RUFY2: variants seen among roughly 807,000 people sequenced by gnomAD.
RUFY2 encodes RUN and FYVE domain-containing protein 2.
In RUFY2, 49 loss-of-function variants were observed where a neutral mutation model predicts 94.4. That is an observed-to-expected ratio of 0.52 (90% CI 0.41 to 0.66). RUFY2 has a LOEUF of 0.66. Among genes scored for constraint, RUFY2 ranks in the 30% least tolerant of loss-of-function variants. RUFY2 has a pLI of 0.00. For synonymous variants in RUFY2, 255 were observed against 235.7 expected (o/e 1.08, Z -0.75); for missense variants, 541 against 692.8 (o/e 0.78, Z 2.46).
chr10:68,390,534 G>A (rs1382571767), intron 7 of RUFY2, among the ~76,000 whole-genome samples: 1 of 152,054 alleles, frequency 6.6e-6, no homozygotes, highest in Non-Finnish European at 1.5e-5. Context: ...TTAAAAATGT[G>A]GCTAGTCCAA....
At position 68,394,173 on chromosome 10, in the gene RUFY2, G is replaced by A. The variant is rs1554893212; in HGVS notation, c.523-37C>T. The A allele has an allele frequency of 7.4e-6, 11 of 1,486,124 alleles. No homozygotes were observed. In the South Asian group the frequency reaches 1.4e-4, roughly 18 times the overall value. 92.1% of individuals were successfully genotyped at this position (1,486,124 alleles called of 1,614,324 possible). A position where few individuals can be genotyped will look rare whatever the true frequency, so the allele number is the denominator to read the frequency against. On this transcript the variant is annotated intron_variant, in intron 5 of 17. Transcript: ENST00000602465. ...AAAGTTTTTTTTAATTTAAAGGGGA[G>A]AAAATACTTTATCAGAAGTACCTTT...
chr10:68,357,331 C>T (rs57070275), intron 15 of RUFY2, among the ~76,000 whole-genome samples: 5 of 151,416 alleles, frequency 3.3e-5, no homozygotes, highest in African/African-American at 9.7e-5. Flanking sequence ...AAGGTTCAAG[C>T]GATTCTCCTG....
At position 68,384,056 on chromosome 10, in the gene RUFY2, G is replaced by A. The variant is rs2049295965; in HGVS notation, c.817C>T (p.Leu273=). ...KLILMKTQQH[L]EVTKVDVETE... is the part of the protein sequence containing the mutation. ...TGAAAGCAGTCTATACTTACCTCTA[G>A]GTGCTGCTGTGTTTTCATTAAAATC... The change falls in exon 9 of 18, where the codon CTA becomes TTA. Residue 273 remains leucine, a synonymous_variant. Transcript: ENST00000602465. The A allele has an allele frequency of 1.2e-6, 2 of 1,611,544 alleles. No individual in the cohort carries two copies. Among genetic ancestry groups the A allele is most frequent in the African/African-American group, 1.3e-5 (1 of 74,816 alleles).
intron 15 of RUFY2, 121 bp downstream of exon 15, chr10:68,363,469 C>CG: frequency 1.7e-6 from 1 of 603,304 alleles, no homozygotes; most frequent in Non-Finnish European, 2.7e-6. Flanking sequence ...CGTGAACCAC[C>CG]GCGCCCGGCC....
At chr10:68,374,285 AG>A (rs1299321691) in intron 13 of RUFY2, among the ~76,000 whole-genome samples, 1 of 152,094 alleles carries the variant, frequency 6.6e-6, no homozygotes, top group Non-Finnish European at 1.5e-5. Context: ...AAGAAAAAAA[AG>A]AAACTTCAAA....
chr10:68,401,485 T>C lies in RUFY2; in HGVS notation c.296+135A>G. Reference sequence around the variant, plus strand: ...TGAGTTGAGCCATAAAGAATGAACATAATTTTATTATAAGAGGATTAGAAG... The same window carrying C: ...TGAGTTGAGCCATAAAGAATGAACACAATTTTATTATAAGAGGATTAGAAG... On this transcript the variant is annotated intron_variant, in intron 3 of 17. Transcript: ENST00000602465. 4 of 623,722 alleles carry C rather than the reference T, an allele frequency of 6.4e-6. No individual in the cohort carries two copies. In the South Asian group the frequency reaches 6.9e-5, roughly 11 times the overall value. 38.6% of individuals were successfully genotyped at this position (623,722 alleles called of 1,614,324 possible).
intron 7 of RUFY2, among the ~76,000 whole-genome samples, chr10:68,386,689 T>G (rs117334617): frequency 0.03 from 4,509 of 152,278 alleles, 90 homozygotes; most frequent in Middle Eastern, 0.054. Context: ...CTTCTTAAAT[T>G]TAACTGAAAA....
chr10:68,405,927 C>T (rs1396719976), intron 1 of RUFY2, among the ~76,000 whole-genome samples: 2 of 151,252 alleles, frequency 1.3e-5, no homozygotes, highest in Non-Finnish European at 2.9e-5. Context: ...GACACAGTAT[C>T]ATCAAGTAAG....
At chr10:68,371,808 C>T (rs2048301901) in intron 13 of RUFY2, among the ~76,000 whole-genome samples, 1 of 152,190 alleles carries the variant, frequency 6.6e-6, no homozygotes, top group African/African-American at 2.4e-5. Context: ...ATGACATTAA[C>T]ACCTAAAGAG....
rs764944698 is a variant in RUFY2 at position 68,407,172 on chromosome 10, C to A, written c.4+14G>T. Reference sequence around the variant, plus strand: ...CTGAGGGCCTAGCGTTCGGTTTCGGCCCGCTCGCCTTACCCATGGCGGCGG... The same window carrying A: ...CTGAGGGCCTAGCGTTCGGTTTCGGACCGCTCGCCTTACCCATGGCGGCGG... On this transcript the variant is annotated intron_variant, in intron 1 of 17. Transcript: ENST00000602465. 6.9e-7 allele frequency: 1 copy of A among 1,454,052 alleles called. No individual in the cohort carries two copies. The highest frequency in any genetic ancestry group is 1.5e-5 in the African/African-American group (1 of 66,616). 90.1% of individuals were successfully genotyped at this position (1,454,052 alleles called of 1,614,324 possible). A position where few individuals can be genotyped will look rare whatever the true frequency, so the allele number is the denominator to read the frequency against.
chr10:68,393,908 C>T, intron 6 of RUFY2, 167 bp downstream of exon 6: 1 of 1,365,634 alleles, frequency 7.3e-7, no homozygotes, highest in Non-Finnish European at 9.5e-7. Context: ...AAGTGATTTT[C>T]CATAATCTGC....
At chr10:68,365,805 G>A (rs1352277307) in intron 13 of RUFY2, among the ~76,000 whole-genome samples, 1 of 152,048 alleles carries the variant, frequency 6.6e-6, no homozygotes, top group Non-Finnish European at 1.5e-5. Context: ...AAGAACCGTT[G>A]ATGCCATTAA....
rs1034317399 is a variant in RUFY2 at position 68,355,397 on chromosome 10, T to C, written c.1555A>G (p.Lys519Glu). ...QELGNKLSES[K>E]LKIEDIKEAN... ...TCTTTTATGTCTTCAATTTTAAGTT[T>C]TGATCTAAAAAGATTACAAATAGGT... The change falls in exon 16 of 18, where the codon AAA (lysine) becomes GAA (glutamate). Residue 519 changes from lysine (K) to glutamate (E), a missense_variant. Transcript: ENST00000602465. The C allele has an allele frequency of 6.2e-7, 1 of 1,605,950 alleles. No homozygotes were observed. The highest frequency in any genetic ancestry group is 1.7e-5 in the Admixed American group (1 of 59,858).
At chr10:68,403,588 T>C (rs1200963698) in intron 2 of RUFY2, among the ~76,000 whole-genome samples, 1 of 152,170 alleles carries the variant, frequency 6.6e-6, no homozygotes, top group Non-Finnish European at 1.5e-5. Flanking sequence ...CATGTTTTGC[T>C]CTGTGTACTT....
chr10:68,341,640 G>C, downstream of RUFY2: 1 of 1,613,692 alleles, frequency 6.2e-7, no homozygotes, highest in Non-Finnish European at 8.5e-7. Context: ...GCTCTGGCAT[G>C]GGAGGTTCTG....
intron 3 of RUFY2, among the ~76,000 whole-genome samples, chr10:68,400,584 G>T (rs955378845): frequency 6.6e-6 from 1 of 151,524 alleles, no homozygotes; most frequent in Non-Finnish European, 1.5e-5. Flanking sequence ...GCTGAGGCAG[G>T]AAAGTTGCTT....
chr10:68,363,302 G>A (rs556316863), intron 15 of RUFY2, among the ~76,000 whole-genome samples: 21 of 152,116 alleles, frequency 1.4e-4, no homozygotes, highest in African/African-American at 5.1e-4. Context: ...TCAGCCTCCC[G>A]AGTAGCTGGG....
At chr10:68,397,105 A>C (rs754612685) in intron 3 of RUFY2, among the ~76,000 whole-genome samples, 1 of 152,114 alleles carries the variant, frequency 6.6e-6, no homozygotes, top group African/African-American at 2.4e-5. Flanking sequence ...GGAAGAAATG[A>C]CTCTCTAAAC....
chr10:68,359,237 A>G (rs555006205), intron 15 of RUFY2, among the ~76,000 whole-genome samples: 63 of 151,394 alleles, frequency 4.2e-4, no homozygotes, highest in Non-Finnish European at 8.5e-4. Context: ...AATTAGCCAG[A>G]TGTGGTGGCA....
Sources: gnomAD v4.1 joint callset for allele counts (sites outside exome capture counted in the v4.1 genomes callset) on GRCh38, gnomAD v4.1.1 for gene constraint, MANE v1.5 for transcripts, NCBI Gene and HGNC (gene_info 2026-07-23, HGNC 2026-07-21) for gene names.